Variants in DAAM1 observed in about 807,000 individuals in gnomAD.
DAAM1 encodes the protein disheveled-associated activator of morphogenesis 1.
Under a neutral mutation model 130.0 loss-of-function variants are expected in DAAM1, and 52 were observed. The ratio of observed to expected loss-of-function variants is 0.40; its 90% CI spans 0.32 to 0.50. The LOEUF (loss-of-function observed/expected upper bound fraction) is 0.50, where lower values mean the gene tolerates loss of function less well. Among genes scored for constraint, DAAM1 ranks in the 20% least tolerant of loss-of-function variants. DAAM1 has a pLI of 0.61. For synonymous variants in DAAM1, 452 were observed against 444.5 expected (o/e 1.02, Z -0.21); for missense variants, 1,134 against 1,303.8 (o/e 0.87, Z 2.01).
chr14:59,236,203 A>C (rs1448548663), intron 1 of DAAM1, among the ~76,000 whole-genome samples: 1 of 151,948 alleles, frequency 6.6e-6, no homozygotes, highest in Non-Finnish European at 1.5e-5. Context: ...ATCTTCAGGT[A>C]ATTTTTAGCA....
chr14:59,290,068 G>A (rs1468391957), intron 2 of DAAM1, among the ~76,000 whole-genome samples: 1 of 151,940 alleles, frequency 6.6e-6, no homozygotes, highest in East Asian at 1.9e-4. Context: ...TGTACACAAA[G>A]CCTCAGTGAC....
intron 1 of DAAM1, among the ~76,000 whole-genome samples, chr14:59,209,509 A>G (rs1035627813): frequency 1.6e-4 from 25 of 152,224 alleles, no homozygotes; most frequent in Non-Finnish European, 3.4e-4. Flanking sequence ...ATATGCATTC[A>G]GTAGAAATTG....
chr14:59,259,876 C>G (rs545105424), intron 1 of DAAM1, among the ~76,000 whole-genome samples: 6 of 152,206 alleles, frequency 3.9e-5, no homozygotes, highest in South Asian at 2.1e-4. Flanking sequence ...AACCCCATCT[C>G]TACTAAAAAT....
At chr14:59,307,762 T>G (rs1366334715) in intron 3 of DAAM1, among the ~76,000 whole-genome samples, 2 of 152,068 alleles carry the variant, frequency 1.3e-5, no homozygotes, top group Non-Finnish European at 2.9e-5. Flanking sequence ...AGGAGAATAG[T>G]GGAGATAGCA....
intron 15 of DAAM1, among the ~76,000 whole-genome samples, chr14:59,336,635 C>G (rs1267107823): frequency 6.6e-6 from 1 of 152,128 alleles, no homozygotes; most frequent in Non-Finnish European, 1.5e-5. Flanking sequence ...CATTCTTCAT[C>G]CTCACCTCTA....
At chr14:59,281,093 G>A (rs1348134833) in intron 2 of DAAM1, among the ~76,000 whole-genome samples, 1 of 152,044 alleles carries the variant, frequency 6.6e-6, no homozygotes, top group East Asian at 1.9e-4. Context: ...GTTGACAGTC[G>A]ACTTGCAAAC....
chr14:59,223,939 A>G (rs1017981876), intron 1 of DAAM1, among the ~76,000 whole-genome samples: 5 of 152,154 alleles, frequency 3.3e-5, no homozygotes, highest in African/African-American at 1.2e-4. Flanking sequence ...CTCACTCACT[A>G]GATTCAGTCA....
At chr14:59,326,442 T>C (rs1308964193) in intron 10 of DAAM1, 68 bp from the exon 11 acceptor site, 5 of 1,497,766 alleles carry the variant, frequency 3.3e-6, no homozygotes, top group Non-Finnish European at 4.5e-6. Flanking sequence ...GTGACCACCA[T>C]TGACAAATAT....
intron 2 of DAAM1, among the ~76,000 whole-genome samples, chr14:59,280,374 A>C (rs1883155206): frequency 6.6e-6 from 1 of 152,060 alleles, no homozygotes; most frequent in Non-Finnish European, 1.5e-5. Context: ...GGTCAAGGTT[A>C]CAGTGAGCTA....
intron 22 of DAAM1, chr14:59,363,152 A>C (rs1420328866): frequency 6.3e-6 from 1 of 158,424 alleles, no homozygotes. Flanking sequence ...AAAATGGTAC[A>C]TTATGGTGCC....
chr14:59,286,860 G>A (rs563522179), intron 2 of DAAM1, among the ~76,000 whole-genome samples: 36 of 152,182 alleles, frequency 2.4e-4, no homozygotes, highest in Middle Eastern at 3.4e-3. Context: ...CCAGATATAT[G>A]AAGAAGAGCT....
At chr14:59,365,816 T>C (rs1020559617) in intron 23 of DAAM1, among the ~76,000 whole-genome samples, 2 of 152,100 alleles carry the variant, frequency 1.3e-5, no homozygotes, top group Admixed American at 1.3e-4. Context: ...TAGGGAAAAA[T>C]GTATTTGACT....
At chr14:59,360,521 G>T (rs1886665812) in intron 21 of DAAM1, 1 of 245,632 alleles carries the variant, frequency 4.1e-6, no homozygotes, top group Non-Finnish European at 7.7e-6. Context: ...ATTTTTTTGA[G>T]TTTGAAACAT....
chr14:59,341,790 G>GT (rs904412185), intron 16 of DAAM1, among the ~76,000 whole-genome samples: 2 of 151,976 alleles, frequency 1.3e-5, no homozygotes, highest in Admixed American at 6.6e-5. Flanking sequence ...AAGTTGTGGA[G>GT]TTTTTTTTAC....
intron 10 of DAAM1, 48 bp downstream of exon 10, chr14:59,326,125 T>G (rs1287018349): frequency 1.3e-6 from 2 of 1,548,922 alleles, no homozygotes; most frequent in South Asian, 2.2e-5. Flanking sequence ...GTTTGGACAT[T>G]GTCCTAATGG....
chr14:59,304,601 A>G (rs1464323971), intron 3 of DAAM1, among the ~76,000 whole-genome samples: 3 of 152,174 alleles, frequency 2.0e-5, no homozygotes, highest in Admixed American at 6.5e-5. Context: ...AAGGAAAAGC[A>G]TTTTGTTTTT....
intron 3 of DAAM1, among the ~76,000 whole-genome samples, chr14:59,312,416 T>C (rs188232084): frequency 2.4e-4 from 37 of 152,226 alleles, no homozygotes; most frequent in African/African-American, 8.2e-4. Flanking sequence ...GAAAACTGAG[T>C]CACAAAGAGG....
chr14:59,360,757 GTGTAAGTCACA>G (rs775784239), intron 21 of DAAM1, 34 bp from the exon 22 acceptor site: 1 of 1,559,792 alleles, frequency 6.4e-7, no homozygotes, highest in African/African-American at 1.4e-5. Context: ...TATTTAATAT[GTGTAAGTCACA>G]TGTTGATTGC....
At chr14:59,288,086 G>T (rs993738494) in intron 2 of DAAM1, among the ~76,000 whole-genome samples, 5 of 152,058 alleles carry the variant, frequency 3.3e-5, no homozygotes, top group Non-Finnish European at 1.5e-5. Context: ...ATAAACCAAT[G>T]GAACAGCATG....
Sources: allele counts gnomAD v4.1 joint callset (sites outside exome capture counted in the v4.1 genomes callset), GRCh38; gene constraint gnomAD v4.1.1; transcripts MANE v1.5; gene names NCBI Gene and HGNC (gene_info 2026-07-23, HGNC 2026-07-21).